The following TRPC4AP variants were observed in gnomAD, a reference collection of about 807,000 sequenced individuals.
The protein encoded by TRPC4AP is transient receptor potential cation channel subfamily C member 4 associated protein.
TRPC4AP carries 45 observed loss-of-function variants against 99.0 expected under a neutral mutation model. That is an observed-to-expected ratio of 0.45 (90% CI 0.36 to 0.58). The LOEUF (loss-of-function observed/expected upper bound fraction) is 0.58. Ranked by LOEUF, TRPC4AP falls within the 20% of genes least tolerant of loss-of-function variation. TRPC4AP has a pLI of 0.00. For missense variants in TRPC4AP, 879 were observed against 985.3 expected, an observed-to-expected ratio of 0.89 and a Z score of 1.44; for synonymous variants, 408 against 385.8, an observed-to-expected ratio of 1.06 and a Z score of -0.67.
At chr20:35,076,650 T>C (rs2084487851) in intron 2 of TRPC4AP, among the ~76,000 whole-genome samples, 2 of 152,190 alleles carry the variant, frequency 1.3e-5, no homozygotes, top group Admixed American at 1.3e-4. Context: ...GGCACCCGGC[T>C]GTATGAGGTG....
Position 35,077,957 on chromosome 20 carries a change from A to G in TRPC4AP, c.297+89T>C, listed in dbSNP as rs2084526760. 25 of 1,441,046 alleles carry G rather than the reference A, an allele frequency of 1.7e-5. No individual in the cohort carries two copies. The South Asian group carries it at 3.3e-4, about 19-fold the overall frequency. 89.3% of individuals were successfully genotyped at this position (1,441,046 alleles called of 1,614,324 possible). On this transcript the variant is annotated intron_variant, in intron 2 of 18. Transcript: ENST00000252015. Reference sequence around the variant, plus strand: ...ACACAGTAAAAACAGGCTATTTTTAAAAGCCAACGGAAGGGAAAAAAAAAA... The same window carrying G: ...ACACAGTAAAAACAGGCTATTTTTAGAAGCCAACGGAAGGGAAAAAAAAAA...
intron 1 of TRPC4AP, among the ~76,000 whole-genome samples, chr20:35,091,506 T>C (rs1206320059): frequency 6.6e-6 from 1 of 152,192 alleles, no homozygotes; most frequent in Non-Finnish European, 1.5e-5. Flanking sequence ...TCTCCCCCTT[T>C]AGCCCAATTC....
chr20:35,011,138 T>C (rs1214962686), intron 11 of TRPC4AP, among the ~76,000 whole-genome samples: 1 of 152,166 alleles, frequency 6.6e-6, no homozygotes, highest in African/African-American at 2.4e-5. Flanking sequence ...CACACGCCTA[T>C]AATCCTAGCT....
chr20:35,049,035 C>T, intron 6 of TRPC4AP, among the ~76,000 whole-genome samples: 1 of 152,124 alleles, frequency 6.6e-6, no homozygotes, highest in Non-Finnish European at 1.5e-5. Context: ...GCAACAGCAA[C>T]CTCTAGGAGG....
Position 35,078,151 on chromosome 20 carries a change from C to T in TRPC4AP, c.192G>A (p.Glu64=), listed in dbSNP as rs745650554. ...CACTCCACTTGGATTGTTTGTCCCT[C>T]TCCGTCAAAAAAGTCTCAGTGAACT... The part of the protein sequence containing the change: ...AVQFTETFLT[E]RDKQSKWSGI... Residue 64 remains glutamate (E), a synonymous_variant, in exon 2 of 19, where the codon GAG becomes GAA. Transcript: ENST00000252015. 2 of 1,613,532 alleles carry T rather than the reference C, an allele frequency of 1.2e-6. No individual in the cohort carries two copies.
At chr20:35,087,490 C>T (rs1003713561) in intron 1 of TRPC4AP, among the ~76,000 whole-genome samples, 3 of 152,090 alleles carry the variant, frequency 2.0e-5, no homozygotes, top group African/African-American at 7.2e-5. Flanking sequence ...CACCAGATTG[C>T]CAAACTGAAG....
chr20:35,003,647 G>A, intron 17 of TRPC4AP, 31 bp from the exon 18 acceptor site: 3 of 1,598,530 alleles, frequency 1.9e-6, no homozygotes, highest in South Asian at 1.1e-5. Context: ...AGGGTCAGGG[G>A]CTGGTGGGAG....
chr20:35,047,994 T>C (rs189602221), intron 6 of TRPC4AP, among the ~76,000 whole-genome samples: 112 of 152,262 alleles, frequency 7.4e-4, no homozygotes, highest in African/African-American at 2.6e-3. Context: ...ATCAGTAGTA[T>C]ACAAGTGTTT....
At chr20:35,036,031 A>C (rs1600561274) in intron 7 of TRPC4AP, among the ~76,000 whole-genome samples, 1 of 151,826 alleles carries the variant, frequency 6.6e-6, no homozygotes, top group East Asian at 1.9e-4. Flanking sequence ...AGGATGAAAG[A>C]TAAACATTTT....
At chr20:35,018,609 A>AAG (rs1255134938) in intron 9 of TRPC4AP, among the ~76,000 whole-genome samples, 1 of 149,984 alleles carries the variant, frequency 6.7e-6, no homozygotes, top group Non-Finnish European at 1.5e-5. Flanking sequence ...AAAAAGAAAA[A>AAG]AAAAAAAAAA....
intron 10 of TRPC4AP, 82 bp from the exon 11 acceptor site, chr20:35,013,148 C>T: frequency 7.4e-7 from 1 of 1,360,512 alleles, no homozygotes; most frequent in Non-Finnish European, 1.1e-6. Context: ...TGGTGGGAGC[C>T]TGCTTCTCTA....
At chr20:35,066,885 T>C (rs1262763918) in intron 3 of TRPC4AP, among the ~76,000 whole-genome samples, 3 of 151,232 alleles carry the variant, frequency 2.0e-5, no homozygotes, top group Admixed American at 2.0e-4. Context: ...AATAATCAAA[T>C]CGAAAAAGGT....
Position 35,064,489 on chromosome 20 carries a change from C to T in TRPC4AP, c.414+4807G>A, listed in dbSNP as rs185366095. Reference sequence around the variant, plus strand: ...GAATGTGACACTATAATTCAACATCCTGAATTAAGAGAGATGTGTTATTTT... The same window carrying T: ...GAATGTGACACTATAATTCAACATCTTGAATTAAGAGAGATGTGTTATTTT... On this transcript the variant is annotated intron_variant, in intron 3 of 18. Coordinates refer to ENST00000252015, the MANE Select transcript of TRPC4AP (RefSeq NM_015638.3). Among the ~76,000 whole-genome samples, 37 of 152,308 alleles carry T rather than the reference C, an allele frequency of 2.4e-4. No homozygotes were observed. The East Asian group carries it at 6.9e-3, about 29-fold the overall frequency.
intron 3 of TRPC4AP, among the ~76,000 whole-genome samples, chr20:35,064,384 C>A (rs567664458): frequency 6.6e-6 from 1 of 152,316 alleles, no homozygotes; most frequent in South Asian, 2.1e-4. Flanking sequence ...GCTTGAGGGT[C>A]TGAGAAAGCC....
At chr20:35,078,470 C>G (rs2146017710) in intron 1 of TRPC4AP, among the ~76,000 whole-genome samples, 1 of 151,964 alleles carries the variant, frequency 6.6e-6, no homozygotes, top group South Asian at 2.1e-4. Context: ...AGGGCAACTG[C>G]TAAAAGTATT....
intron 5 of TRPC4AP, among the ~76,000 whole-genome samples, chr20:35,051,418 C>A (rs1306292008): frequency 6.6e-6 from 1 of 152,102 alleles, no homozygotes; most frequent in African/African-American, 2.4e-5. Context: ...AGCGATCCCC[C>A]CACCTCAGCC....
chr20:35,049,766 A>C (rs2083651434), intron 6 of TRPC4AP, 100 bp downstream of exon 6: 1 of 1,352,548 alleles, frequency 7.4e-7, no homozygotes, highest in Admixed American at 2.5e-5. Flanking sequence ...GACATAATTT[A>C]ACACTTTCTT....
In TRPC4AP at chr20:35,084,486, A is replaced by G. The variant is rs539031796; in HGVS notation, c.169-6312T>C. On this transcript the variant is annotated intron_variant, in intron 1 of 18. Coordinates refer to ENST00000252015, the MANE Select transcript of TRPC4AP (RefSeq NM_015638.3). ...TGTATATATGTATATATGTGTATATATGTATATATCTATATATGTATATAC... is the reference window on the plus strand; with the variant it reads ...TGTATATATGTATATATGTGTATATGTGTATATATCTATATATGTATATAC... Among the ~76,000 whole-genome samples the G allele has an allele frequency of 5.9e-5, 7 of 119,334 alleles. No individual in the cohort carries two copies. The East Asian group carries it at 2.1e-3, about 37-fold the overall frequency. The allele number at this position is 119,334 out of a possible 152,430, so 78.3% of individuals were successfully genotyped here.
intron 12 of TRPC4AP, 136 bp from the exon 13 acceptor site, chr20:35,008,883 T>A: frequency 2.7e-6 from 2 of 750,094 alleles, no homozygotes; most frequent in East Asian, 5.3e-5. Flanking sequence ...CTGCTCCAAC[T>A]GGGTCCAGAG....
Sources: allele counts gnomAD v4.1 joint callset (sites outside exome capture counted in the v4.1 genomes callset), GRCh38; gene constraint gnomAD v4.1.1; transcripts MANE v1.5; gene names NCBI Gene and HGNC (gene_info 2026-07-23, HGNC 2026-07-21).